Variants in AP2B1 observed in about 807,000 individuals in gnomAD.
AP2B1 encodes the protein AP-2 complex subunit beta.
In AP2B1, 23 loss-of-function variants were observed where a neutral mutation model predicts 102.0. That is an observed-to-expected ratio of 0.23 (90% CI 0.16 to 0.32). The LOEUF is 0.32. AP2B1 is among the 10% of genes least tolerant of loss of function. AP2B1 has a pLI of 1.00. For synonymous variants in AP2B1, 381 were observed against 421.2 expected, an observed-to-expected ratio of 0.90 and a Z score of 1.17; for missense variants, 541 against 1,157.4, an observed-to-expected ratio of 0.47 and a Z score of 7.73.
In AP2B1 at chr17:35,620,749, T is replaced by A. The variant is rs557205378; in HGVS notation, c.526-3648T>A. ...GAAGGATCACTTGAGTCCAGGAGTT[T>A]GAGATTACAGTGAGCTGTGATCAGT... On this transcript the variant is annotated intron_variant, in intron 5 of 21. Transcript: ENST00000610402. Among the ~76,000 whole-genome samples, 4 of 152,218 alleles carry A rather than the reference T, an allele frequency of 2.6e-5. No homozygotes were observed. The East Asian group carries it at 7.7e-4, about 29-fold the overall frequency.
At chr17:35,699,016 A>G (rs1377367476) in intron 18 of AP2B1, among the ~76,000 whole-genome samples, 1 of 152,200 alleles carries the variant, frequency 6.6e-6, no homozygotes, top group Non-Finnish European at 1.5e-5. Flanking sequence ...TTTATGGTCT[A>G]AATTATTTGA....
In AP2B1 at chr17:35,725,278, C is replaced by G. The variant is rs781975977; in HGVS notation, c.*1579C>G. On this transcript the variant is annotated 3_prime_UTR_variant, in exon 22 of 22. Transcript: ENST00000610402. ...GGCACTTGTTGCATTGCCTGGCACC[C>G]AATATTCAGGGTCCATGACTAAGAC... 6.6e-6 allele frequency: 1 copy of G among 152,176 alleles called. No individual in the cohort carries two copies. The highest frequency in any genetic ancestry group is 1.5e-5 in the Non-Finnish European group (1 of 68,052). The allele number at this position is 152,176 out of a possible 1,614,324, so 9.4% of individuals were successfully genotyped here.
chr17:35,635,948 C>T (rs1231597557), intron 9 of AP2B1, among the ~76,000 whole-genome samples: 1 of 151,254 alleles, frequency 6.6e-6, no homozygotes, highest in Non-Finnish European at 1.5e-5. Context: ...CTCAGCCTCC[C>T]AAAATGCTGG....
At chr17:35,682,968 C>G (rs1567977189) in intron 18 of AP2B1, 144 bp downstream of exon 18, 1 of 684,678 alleles carries the variant, frequency 1.5e-6, no homozygotes, top group Non-Finnish European at 2.1e-6. Context: ...ACCTCTGCCT[C>G]CTGGGTTCAA....
chr17:35,683,095 C>G (rs758039702), intron 18 of AP2B1, among the ~76,000 whole-genome samples: 17 of 151,994 alleles, frequency 1.1e-4, no homozygotes, highest in African/African-American at 1.7e-4. Context: ...CCAGGCTGGT[C>G]TCGAACTCCT....
chr17:35,710,546 A>G (rs1325517908), intron 20 of AP2B1, among the ~76,000 whole-genome samples: 10 of 152,220 alleles, frequency 6.6e-5, no homozygotes, highest in Non-Finnish European at 1.5e-5. Context: ...AACAAGCTAG[A>G]ATCGACCCAT....
intron 16 of AP2B1, among the ~76,000 whole-genome samples, chr17:35,673,424 T>C (rs2075632778): frequency 1.3e-5 from 2 of 152,244 alleles, no homozygotes; most frequent in South Asian, 4.1e-4. Flanking sequence ...CCTGATCTCG[T>C]GATCTGCCCT....
intron 14 of AP2B1, among the ~76,000 whole-genome samples, chr17:35,660,911 G>A (rs551941604): frequency 6.6e-6 from 1 of 152,304 alleles, no homozygotes; most frequent in Admixed American, 6.5e-5. Context: ...GCCCTGTAGG[G>A]AGAATAGTGT....
At chr17:35,596,644 C>T (rs1486279176) in intron 2 of AP2B1, among the ~76,000 whole-genome samples, 1 of 151,920 alleles carries the variant, frequency 6.6e-6, no homozygotes, top group African/African-American at 2.4e-5. Context: ...CCTGCCTCAT[C>T]AGGGCCTTCC....
chr17:35,720,573 A>ATATATATATATTTT (rs1324333805), intron 21 of AP2B1, among the ~76,000 whole-genome samples: 2 of 28,060 alleles, frequency 7.1e-5, no homozygotes, highest in Non-Finnish European at 1.2e-4. Flanking sequence ...ATATATATAT[A>ATATATATATATTTT]TTTTTTTTTT....
At chr17:35,653,454 T>C (rs2142847306) in intron 13 of AP2B1, among the ~76,000 whole-genome samples, 1 of 152,174 alleles carries the variant, frequency 6.6e-6, no homozygotes, top group East Asian at 1.9e-4. Context: ...GGTTTTGTTT[T>C]TGTTTGTTTA....
rs140299881 is a variant in AP2B1 at position 35,671,260 on chromosome 17, G to A, written c.2031+362G>A. Among the ~76,000 whole-genome samples, 256 of 152,204 alleles carry A rather than the reference G, an allele frequency of 1.7e-3. 1 individual carries two copies. The highest frequency in any genetic ancestry group is 2.5e-3 in the Non-Finnish European group (172 of 68,006). On this transcript the variant is annotated intron_variant, in intron 15 of 21. Transcript: ENST00000610402. ...CTGGACTCAGAGTGAGACTCTCCTC[G>A]TAAATGAGTTAGTTTCAGGGGTGTG...
chr17:35,594,123 A>G, intron 2 of AP2B1, 56 bp downstream of exon 2: 1 of 1,283,880 alleles, frequency 7.8e-7, no homozygotes. Flanking sequence ...GTAGTGTAAG[A>G]TTGCCCCAGG....
intron 21 of AP2B1, among the ~76,000 whole-genome samples, chr17:35,720,154 A>G (rs1291835286): frequency 1.3e-5 from 2 of 152,132 alleles, no homozygotes; most frequent in African/African-American, 4.8e-5. Flanking sequence ...AGAGTGCTAA[A>G]TTTGTGCTGT....
At chr17:35,608,464 T>C in intron 5 of AP2B1, 77 bp downstream of exon 5, 2 of 1,541,216 alleles carry the variant, frequency 1.3e-6, no homozygotes, top group Non-Finnish European at 1.8e-6. Flanking sequence ...ATATGAACCT[T>C]GTCTTTGGAA....
chr17:35,680,709 T>G (rs1262780477), intron 17 of AP2B1, among the ~76,000 whole-genome samples: 1 of 148,254 alleles, frequency 6.7e-6, no homozygotes, highest in African/African-American at 2.5e-5. Flanking sequence ...TGTTTTTTTT[T>G]TTTTTTTCAG....
Position 35,724,794 on chromosome 17 carries a change from TCTC to T in AP2B1, c.*1098_*1100del, listed in dbSNP as rs782052614. On this transcript the variant is annotated 3_prime_UTR_variant, in exon 22 of 22. Transcript: ENST00000610402. ...CTCTTGTCGTTTTCCCCTAATGCCT[TCTC>T]CTGCCTTTTCTGTGCCTAGTTTTTG... The T allele has an allele frequency of 2.0e-5, 3 of 152,220 alleles. No homozygotes were observed. The highest frequency in any genetic ancestry group is 7.2e-5 in the African/African-American group (3 of 41,460). The allele number at this position is 152,220 out of a possible 1,614,324, so 9.4% of individuals were successfully genotyped here.
intron 20 of AP2B1, among the ~76,000 whole-genome samples, chr17:35,716,249 A>G (rs587594046): frequency 6.6e-6 from 1 of 152,370 alleles, no homozygotes; most frequent in South Asian, 2.1e-4. Context: ...TCAGAAATGA[A>G]TATAATAAAC....
chr17:35,596,765 G>T (rs1489098856), intron 2 of AP2B1: 1 of 569,568 alleles, frequency 1.8e-6, no homozygotes, highest in Non-Finnish European at 3.2e-6. Context: ...CGAGTACAGC[G>T]CCCGCAGCTG....
Sources: gnomAD v4.1 joint callset for allele counts (sites outside exome capture counted in the v4.1 genomes callset) on GRCh38, gnomAD v4.1.1 for gene constraint, MANE v1.5 for transcripts, NCBI Gene and HGNC (gene_info 2026-07-23, HGNC 2026-07-21) for gene names.